The following PCLO variants were observed in gnomAD, a reference collection of about 807,000 sequenced individuals.
PCLO encodes piccolo presynaptic cytomatrix protein, also known as protein piccolo.
PCLO carries 82 observed loss-of-function variants against 427.5 expected under a neutral mutation model. The ratio of observed to expected loss-of-function variants is 0.19; its 90% CI spans 0.16 to 0.23. PCLO has a LOEUF of 0.23. PCLO is among the 10% of genes least tolerant of loss of function. The pLI, the probability that PCLO is intolerant of heterozygous loss-of-function variation, is 1.00. For missense variants in PCLO, 6,239 were observed against 6,115.9 expected (o/e 1.02, Z -0.67); for synonymous variants, 2,357 against 2,155.4 (o/e 1.09, Z -2.59).
chr7:82,814,931 AT>A (rs1290826858), intron 20 of PCLO, among the ~76,000 whole-genome samples: 29 of 152,142 alleles, frequency 1.9e-4, no homozygotes, highest in Non-Finnish European at 3.1e-4. Flanking sequence ...GAAGAAACTG[AT>A]TAGCATCAGT....
chr7:83,025,828 C>T (rs989037988), intron 3 of PCLO, among the ~76,000 whole-genome samples: 3 of 151,964 alleles, frequency 2.0e-5, no homozygotes, highest in African/African-American at 7.3e-5. Flanking sequence ...GAATTTTCAA[C>T]CCAGAATTTC....
At position 82,869,853 on chromosome 7, in the gene PCLO, C is replaced by A. The variant is rs565451708; in HGVS notation, c.13654+9484G>T. The stretch of plus-strand genomic sequence containing the variant: ...AAATTTAACTAAATAAATGAAAGAT[C>A]TTTACAATGGAAACTATAAAACATG... On this transcript the variant is annotated intron_variant, in intron 10 of 24. Coordinates refer to ENST00000333891, the MANE Select transcript of PCLO (RefSeq NM_033026.6). Among the ~76,000 whole-genome samples, 3 of 151,970 alleles carry A rather than the reference C, an allele frequency of 2.0e-5. No individual in the cohort carries two copies. The East Asian group carries it at 5.8e-4, about 29-fold the overall frequency.
At chr7:83,024,110 G>A (rs970834920) in intron 3 of PCLO, among the ~76,000 whole-genome samples, 3 of 152,196 alleles carry the variant, frequency 2.0e-5, no homozygotes, top group African/African-American at 7.2e-5. Context: ...AGCCAAGATG[G>A]CCGAATAGGA....
intron 22 of PCLO, among the ~76,000 whole-genome samples, chr7:82,788,238 T>G (rs1033758847): frequency 6.8e-6 from 1 of 147,656 alleles, no homozygotes; most frequent in African/African-American, 2.5e-5. Flanking sequence ...TAATATATAA[T>G]TTATATATAA....
rs148519304 is a variant in PCLO at position 82,886,772 on chromosome 7, G to A, written c.13529-7310C>T. ...AAAATAATTACTACTATCTGGAAGC[G>A]ACAAAAATGTATTTCATGGTGTTAA... is the stretch of plus-strand genomic sequence containing the variant. On this transcript the variant is annotated intron_variant, in intron 9 of 24. Transcript: ENST00000333891. Among the ~76,000 whole-genome samples, 8 of 152,150 alleles carry A rather than the reference G, an allele frequency of 5.3e-5. No individual in the cohort carries two copies. The East Asian group carries it at 1.4e-3, about 26-fold the overall frequency.
At chr7:83,041,404 G>A (rs1788970187) in intron 3 of PCLO, among the ~76,000 whole-genome samples, 1 of 152,052 alleles carries the variant, frequency 6.6e-6, no homozygotes, top group Non-Finnish European at 1.5e-5. Context: ...TTTCATAACA[G>A]TATAGACTAT....
chr7:83,152,341 G>C (rs903484052), intron 2 of PCLO, among the ~76,000 whole-genome samples: 5 of 152,106 alleles, frequency 3.3e-5, no homozygotes, highest in South Asian at 4.1e-4. Context: ...TTATGGTTGA[G>C]AGAAGACTGC....
At position 83,072,127 on chromosome 7, in the gene PCLO, A is replaced by G. The variant is rs200558614; in HGVS notation, c.3300+62123T>C. 2.1e-4 allele frequency among the ~76,000 whole-genome samples: 32 copies of G among 152,198 alleles called. No homozygotes were observed. In the East Asian group the frequency reaches 6.2e-3, roughly 29 times the overall value. ...ATTTATCATTGCTCCCTAGATTCTT[A>G]TAATAGTTACATGATAATGATTTTG... is the stretch of plus-strand genomic sequence containing the variant. On this transcript the variant is annotated intron_variant, in intron 3 of 24. Coordinates refer to ENST00000333891, the MANE Select transcript of PCLO (RefSeq NM_033026.6).
At chr7:83,027,907 C>T (rs1583926598) in intron 3 of PCLO, among the ~76,000 whole-genome samples, 5 of 130,752 alleles carry the variant, frequency 3.8e-5, no homozygotes, top group African/African-American at 1.4e-4. Flanking sequence ...AATTCAACAA[C>T]CCTTCATGCT....
chr7:82,765,589 C>T (rs1790516336), intron 22 of PCLO, among the ~76,000 whole-genome samples: 1 of 151,948 alleles, frequency 6.6e-6, no homozygotes, highest in African/African-American at 2.4e-5. Flanking sequence ...ACTCTCCTCT[C>T]AAAGATTTGG....
At chr7:82,947,984 C>G (rs1795243643) in intron 6 of PCLO, among the ~76,000 whole-genome samples, 1 of 152,104 alleles carries the variant, frequency 6.6e-6, no homozygotes, top group Non-Finnish European at 1.5e-5. Context: ...CCTGTTCTTT[C>G]TAATAACAGA....
chr7:82,926,430 G>T (rs886074248), intron 6 of PCLO, among the ~76,000 whole-genome samples: 3 of 152,014 alleles, frequency 2.0e-5, no homozygotes, highest in African/African-American at 7.2e-5. Flanking sequence ...GGCAAAAAAT[G>T]TGAGAAACTA....
At chr7:83,072,369 T>G (rs1287683890) in intron 3 of PCLO, among the ~76,000 whole-genome samples, 2 of 152,122 alleles carry the variant, frequency 1.3e-5, no homozygotes, top group African/African-American at 2.4e-5. Context: ...AAGTCCTTTT[T>G]TATTTAAAAA....
intron 3 of PCLO, among the ~76,000 whole-genome samples, chr7:83,074,603 T>C (rs907784217): frequency 1.3e-5 from 2 of 152,092 alleles, no homozygotes; most frequent in Non-Finnish European, 2.9e-5. Context: ...AATGGAACAA[T>C]GATTGATGAA....
At chr7:82,913,589 C>G (rs902520780) in intron 7 of PCLO, among the ~76,000 whole-genome samples, 1 of 151,982 alleles carries the variant, frequency 6.6e-6, no homozygotes. Context: ...GTCATGAATC[C>G]TCTTGGTATG....
chr7:82,944,803 G>A (rs2057887), intron 6 of PCLO, among the ~76,000 whole-genome samples: 10,916 of 152,124 alleles, frequency 0.072, 1,320 homozygotes, highest in African/African-American at 0.25. Context: ...AATCCACATT[G>A]CTGGATATCC....
At chr7:83,025,108 G>A (rs1331918535) in intron 3 of PCLO, among the ~76,000 whole-genome samples, 3 of 152,174 alleles carry the variant, frequency 2.0e-5, no homozygotes, top group South Asian at 2.1e-4. Flanking sequence ...GACGGAGAAC[G>A]ACTTTGACGA....
At chr7:83,142,459 T>G (rs2116641508) in intron 2 of PCLO, among the ~76,000 whole-genome samples, 1 of 152,338 alleles carries the variant, frequency 6.6e-6, no homozygotes, top group Middle Eastern at 3.4e-3. Flanking sequence ...CTCTCATGTT[T>G]ATGTAAATGC....
rs561244998 is a variant in PCLO at position 82,884,813 on chromosome 7, T to C, written c.13529-5351A>G. 1.8e-3 allele frequency among the ~76,000 whole-genome samples: 270 copies of C among 147,982 alleles called. 2 individuals are homozygous for C. The highest frequency in any genetic ancestry group is 6.2e-3 in the African/African-American group (251 of 40,200). ...TTCACTATGGTGTTAAAGAAAATTC[T>C]TTTTTTTTTTGAGAAACACTTATGA... On this transcript the variant is annotated intron_variant, in intron 9 of 24. Coordinates refer to ENST00000333891, the MANE Select transcript of PCLO (RefSeq NM_033026.6).
Sources: gnomAD v4.1 joint callset for allele counts (sites outside exome capture counted in the v4.1 genomes callset) on GRCh38, gnomAD v4.1.1 for gene constraint, MANE v1.5 for transcripts, NCBI Gene and HGNC (gene_info 2026-07-23, HGNC 2026-07-21) for gene names.